Variants in GPHN observed in about 807,000 individuals in gnomAD.
The protein encoded by GPHN is gephyrin.
Under a neutral mutation model 95.5 loss-of-function variants are expected in GPHN, and 17 were observed. The ratio of observed to expected loss-of-function variants is 0.18; its 90% CI spans 0.12 to 0.27. The LOEUF (loss-of-function observed/expected upper bound fraction) is 0.27, where lower values mean the gene tolerates loss of function less well. Among genes scored for constraint, GPHN ranks in the 10% least tolerant of loss-of-function variants. The probability of loss-of-function intolerance (pLI) is 1.00; values close to 1 mark genes in which losing one functional copy is unlikely to be tolerated. For missense variants in GPHN, 660 were observed against 978.1 expected (o/e 0.67, Z 4.34); for synonymous variants, 320 against 322.5 (o/e 0.99, Z 0.08).
At chr14:66,515,858 T>A (rs1423770721) in intron 1 of GPHN, among the ~76,000 whole-genome samples, 1 of 152,274 alleles carries the variant, frequency 6.6e-6, no homozygotes, top group Admixed American at 6.5e-5. Context: ...ATTCTAGCAC[T>A]ACTGTGAAAA....
chr14:67,520,618 C>A, the GPHN span, among the ~76,000 whole-genome samples: 1 of 152,132 alleles, frequency 6.6e-6, no homozygotes, highest in Non-Finnish European at 1.5e-5. Context: ...CAAATTATGG[C>A]AATTAAGAAT....
chr14:67,149,406 A>G (rs1479288295), intron 18 of GPHN, among the ~76,000 whole-genome samples: 1 of 152,198 alleles, frequency 6.6e-6, no homozygotes, highest in Admixed American at 6.5e-5. Context: ...GTTATTTTCA[A>G]ATGAACCAAA....
intron 8 of GPHN, among the ~76,000 whole-genome samples, chr14:66,943,955 G>A (rs1239051193): frequency 6.6e-6 from 1 of 152,134 alleles, no homozygotes; most frequent in Admixed American, 6.6e-5. Flanking sequence ...GGGGTTCCAT[G>A]AAGAAAATAG....
chr14:66,708,265 C>T (rs1006592672), intron 2 of GPHN, among the ~76,000 whole-genome samples: 4 of 151,640 alleles, frequency 2.6e-5, no homozygotes, highest in African/African-American at 9.7e-5. Context: ...TTCGGCATAT[C>T]TTCTTACATC....
the GPHN span, chr14:67,677,362 G>GCTT: frequency 3.8e-5 from 1 of 26,278 alleles, no homozygotes; most frequent in South Asian, 1.3e-3. Flanking sequence ...TTGTTTTTAG[G>GCTT]ATTTTTTTTT....
chr14:67,681,102 A>G, the GPHN span, among the ~76,000 whole-genome samples: 1 of 152,218 alleles, frequency 6.6e-6, no homozygotes, highest in Non-Finnish European at 1.5e-5. Flanking sequence ...CTAAGGTTAA[A>G]TGAGGTCATC....
intron 4 of GPHN, among the ~76,000 whole-genome samples, chr14:66,863,649 T>G (rs139282298): frequency 9.7e-4 from 147 of 151,998 alleles, no homozygotes; most frequent in Non-Finnish European, 1.8e-3. Flanking sequence ...GAATAGAGAA[T>G]CTAAAAATAA....
At chr14:66,904,937 T>G (rs755160329) in intron 5 of GPHN, among the ~76,000 whole-genome samples, 2 of 152,290 alleles carry the variant, frequency 1.3e-5, no homozygotes, top group South Asian at 4.1e-4. Flanking sequence ...TTCTCTGACC[T>G]TCCTGTACCT....
At chr14:67,622,494 CCTCT>C in the GPHN span, among the ~76,000 whole-genome samples, 1 of 152,158 alleles carries the variant, frequency 6.6e-6, no homozygotes, top group Non-Finnish European at 1.5e-5. Flanking sequence ...TTTACTAAGG[CCTCT>C]CTTAGTCATT....
chr14:66,902,858 A>C (rs915546694), intron 5 of GPHN, among the ~76,000 whole-genome samples: 1 of 152,080 alleles, frequency 6.6e-6, no homozygotes, highest in African/African-American at 2.4e-5. Context: ...TGTCAGGGTA[A>C]TGCTGGCCGC....
chr14:67,450,439 A>T, the GPHN span, among the ~76,000 whole-genome samples: 1 of 152,214 alleles, frequency 6.6e-6, no homozygotes, highest in Admixed American at 6.5e-5. Flanking sequence ...AACTTCCTAG[A>T]GACTTGTTGA....
At chr14:66,516,348 T>A (rs1045382780) in intron 1 of GPHN, among the ~76,000 whole-genome samples, 1 of 152,130 alleles carries the variant, frequency 6.6e-6, no homozygotes, top group Non-Finnish European at 1.5e-5. Flanking sequence ...CTATTCTGAA[T>A]ATCTGTTACT....
intron 11 of GPHN, among the ~76,000 whole-genome samples, chr14:67,072,834 A>T (rs1164299602): frequency 4.0e-5 from 6 of 151,490 alleles, no homozygotes; most frequent in African/African-American, 1.5e-4. Flanking sequence ...TATCATTTGG[A>T]TATAACAGTG....
the GPHN span, among the ~76,000 whole-genome samples, chr14:67,205,628 G>A: frequency 3.9e-5 from 6 of 152,300 alleles, no homozygotes; most frequent in Non-Finnish European, 8.8e-5. Flanking sequence ...AGAGAGTCAC[G>A]TCCAAAAATG....
the GPHN span, among the ~76,000 whole-genome samples, chr14:67,326,154 G>A: frequency 1.4e-5 from 2 of 142,864 alleles, no homozygotes; most frequent in Non-Finnish European, 3.0e-5. Context: ...GTCTCTGGCC[G>A]TGTTCTAATG....
At chr14:67,512,282 A>G in the GPHN span, among the ~76,000 whole-genome samples, 1 of 152,080 alleles carries the variant, frequency 6.6e-6, no homozygotes, top group Non-Finnish European at 1.5e-5. Flanking sequence ...ATCAGCTTAC[A>G]CTTTACTTTT....
chr14:67,380,480 G>A, the GPHN span, among the ~76,000 whole-genome samples: 2 of 152,210 alleles, frequency 1.3e-5, no homozygotes, highest in African/African-American at 2.4e-5. Flanking sequence ...CTAATAATCA[G>A]TTGGGGTGTA....
chr14:67,321,114 C>A, the GPHN span: 1 of 1,614,094 alleles, frequency 6.2e-7, no homozygotes, highest in Non-Finnish European at 8.5e-7. Flanking sequence ...CACTTTGTTT[C>A]GCGGCAAGCA....
At chr14:67,296,329 A>C in the GPHN span, among the ~76,000 whole-genome samples, 1 of 152,040 alleles carries the variant, frequency 6.6e-6, no homozygotes, top group Admixed American at 6.6e-5. Context: ...CGCCGGATGC[A>C]GTGGCTCACG....
Sources: allele counts gnomAD v4.1 joint callset (sites outside exome capture counted in the v4.1 genomes callset), GRCh38; gene constraint gnomAD v4.1.1; transcripts MANE v1.5; gene names NCBI Gene and HGNC (gene_info 2026-07-23, HGNC 2026-07-21).